Variants in NCAM2 observed in about 807,000 individuals in gnomAD.
The protein encoded by NCAM2 is N-CAM-2.
Under a neutral mutation model 98.1 loss-of-function variants are expected in NCAM2, and 30 were observed. That is an observed-to-expected ratio of 0.31 (90% CI 0.23 to 0.41). NCAM2 has a LOEUF of 0.41. Ranked by LOEUF, NCAM2 falls within the 10% of genes least tolerant of loss-of-function variation. The pLI is 1.00. For synonymous variants in NCAM2, 368 were observed against 342.4 expected, an observed-to-expected ratio of 1.07 and a Z score of -0.83; for missense variants, 867 against 1,005.8, an observed-to-expected ratio of 0.86 and a Z score of 1.87.
chr21:21,025,890 G>T (rs2064535036), intron 1 of NCAM2, among the ~76,000 whole-genome samples: 1 of 152,158 alleles, frequency 6.6e-6, no homozygotes, highest in African/African-American at 2.4e-5. Context: ...GCTGAAAATT[G>T]GTTAGCAAAT....
chr21:21,524,308 C>T (rs114636235), intron 16 of NCAM2, among the ~76,000 whole-genome samples: 1 of 150,732 alleles, frequency 6.6e-6, no homozygotes, highest in Admixed American at 6.6e-5. Context: ...TGTTTAACAA[C>T]AAAGCATAAA....
intron 1 of NCAM2, among the ~76,000 whole-genome samples, chr21:21,032,891 T>G (rs1216557231): frequency 6.6e-6 from 1 of 152,150 alleles, no homozygotes; most frequent in Non-Finnish European, 1.5e-5. Context: ...TACTCTGTTT[T>G]GTTTCTGGTA....
intron 9 of NCAM2, among the ~76,000 whole-genome samples, chr21:21,376,434 A>G (rs2826818): frequency 0.22 from 33,531 of 151,688 alleles, 4,076 homozygotes; most frequent in East Asian, 0.28. Flanking sequence ...TTAGAAGTCT[A>G]CCATCAACAG....
At position 21,185,159 on chromosome 21, in the gene NCAM2, C is replaced by G. The variant is rs188240820; in HGVS notation, c.56-95419C>G. Reference sequence around the variant, plus strand: ...AAATCTAACATTTAACACACTCTTACAAAAACCGATATTCACTATAGGTGG... The same window carrying G: ...AAATCTAACATTTAACACACTCTTAGAAAAACCGATATTCACTATAGGTGG... On this transcript the variant is annotated intron_variant, in intron 1 of 17. Coordinates refer to ENST00000400546, the MANE Select transcript of NCAM2 (RefSeq NM_004540.5). Among the ~76,000 whole-genome samples the G allele has an allele frequency of 2.8e-3, 424 of 152,254 alleles. 2 individuals carry two copies. Among genetic ancestry groups the G allele is most frequent in the African/African-American group, 9.7e-3 (403 of 41,562 alleles).
intron 9 of NCAM2, among the ~76,000 whole-genome samples, chr21:21,382,295 A>G (rs1376485541): frequency 2.6e-5 from 4 of 151,866 alleles, no homozygotes; most frequent in African/African-American, 9.7e-5. Context: ...TGTGTGTGTA[A>G]TCTCTTACTA....
chr21:21,468,618 T>C (rs745594112), intron 13 of NCAM2, 44 bp from the exon 14 acceptor site: 2 of 1,558,378 alleles, frequency 1.3e-6, no homozygotes, highest in South Asian at 2.4e-5. Context: ...TATCTAGGTA[T>C]CTGAAATGTG....
At chr21:21,008,931 A>C (rs1012776384) in intron 1 of NCAM2, among the ~76,000 whole-genome samples, 1 of 152,164 alleles carries the variant, frequency 6.6e-6, no homozygotes, top group Non-Finnish European at 1.5e-5. Context: ...TCATTGTTAA[A>C]GGCTTTGAGG....
intron 1 of NCAM2, among the ~76,000 whole-genome samples, chr21:21,062,705 C>G (rs1403481889): frequency 1.4e-4 from 21 of 152,126 alleles, no homozygotes. Context: ...TTTTGAAAGA[C>G]AAAATGTATT....
At chr21:21,071,947 C>T (rs1024956464) in intron 1 of NCAM2, among the ~76,000 whole-genome samples, 1 of 151,144 alleles carries the variant, frequency 6.6e-6, no homozygotes, top group African/African-American at 2.4e-5. Flanking sequence ...GAGTGTTGCT[C>T]TGTTGCCCAG....
intron 11 of NCAM2, among the ~76,000 whole-genome samples, chr21:21,423,697 C>G (rs2077158540): frequency 1.3e-5 from 2 of 152,052 alleles, no homozygotes. Context: ...GTTCAGGACT[C>G]TATACTTACC....
intron 16 of NCAM2, among the ~76,000 whole-genome samples, chr21:21,530,275 TAATTTAATTTAATTATATATAATTA>T (rs1989593718): frequency 1.5e-5 from 2 of 132,804 alleles, no homozygotes; most frequent in Non-Finnish European, 1.6e-5. Flanking sequence ...TAATTATATA[TAATTTAATTTAATTATATATAATTA>T]AATTAAATTA....
At chr21:21,150,705 C>A (rs8128553) in intron 1 of NCAM2, among the ~76,000 whole-genome samples, 1 of 151,860 alleles carries the variant, frequency 6.6e-6, no homozygotes, top group Non-Finnish European at 1.5e-5. Context: ...ATTGTTAGAT[C>A]CATTTTTCTT....
At chr21:21,163,508 A>AT (rs2067855503) in intron 1 of NCAM2, among the ~76,000 whole-genome samples, 1 of 152,050 alleles carries the variant, frequency 6.6e-6, no homozygotes, top group African/African-American at 2.4e-5. Flanking sequence ...ATTTATTGTT[A>AT]GATTCAAAAC....
intron 7 of NCAM2, 30 bp downstream of exon 7, chr21:21,335,695 G>C (rs975078716): frequency 1.3e-6 from 2 of 1,532,136 alleles, no homozygotes; most frequent in Admixed American, 4.1e-5. Flanking sequence ...GGCTAAAACT[G>C]TTATGTCTAT....
At chr21:21,419,359 G>A (rs1291739613) in intron 11 of NCAM2, among the ~76,000 whole-genome samples, 1 of 87,090 alleles carries the variant, frequency 1.1e-5, no homozygotes, top group South Asian at 3.5e-4. Context: ...TTTTTTTTTC[G>A]ATTTTTTTTT....
chr21:21,079,755 A>G (rs2065753676), intron 1 of NCAM2, among the ~76,000 whole-genome samples: 1 of 152,142 alleles, frequency 6.6e-6, no homozygotes, highest in Non-Finnish European at 1.5e-5. Context: ...ATATTGATAA[A>G]TTCCCATCTC....
At position 21,536,847 on chromosome 21, in the gene NCAM2, G is replaced by T. The variant is rs79673369; in HGVS notation, c.2403-999G>T. Among the ~76,000 whole-genome samples the T allele has an allele frequency of 2.1e-4, 32 of 152,228 alleles. No individual in the cohort carries two copies. In the East Asian group the frequency reaches 6.2e-3, roughly 29 times the overall value. On this transcript the variant is annotated intron_variant, in intron 17 of 17. Transcript: ENST00000400546. ...CACAATTCATTGGCATCGAAGTAGG[G>T]TTTATGACGCTGTCTTGATATTAAG...
intron 8 of NCAM2, among the ~76,000 whole-genome samples, chr21:21,363,736 T>C (rs976885124): frequency 5.9e-5 from 9 of 152,078 alleles, no homozygotes; most frequent in Non-Finnish European, 1.2e-4. Context: ...AATTATTTTT[T>C]TTACAAAATC....
chr21:21,156,613 T>TAGATAGATAGATAGAC (rs1555893355), intron 1 of NCAM2, among the ~76,000 whole-genome samples: 1 of 151,944 alleles, frequency 6.6e-6, no homozygotes, highest in African/African-American at 2.4e-5. Flanking sequence ...GATAGATAGA[T>TAGATAGATAGATAGAC]AGATAATTGT....
Sources: allele counts gnomAD v4.1 joint callset (sites outside exome capture counted in the v4.1 genomes callset), GRCh38; gene constraint gnomAD v4.1.1; transcripts MANE v1.5; gene names NCBI Gene and HGNC (gene_info 2026-07-23, HGNC 2026-07-21).